The following IARS2 variants were observed in gnomAD, a reference collection of about 807,000 sequenced individuals.
IARS2 encodes isoleucyl-tRNA synthetase 2, mitochondrial.
A neutral mutation model predicts 126.3 loss-of-function variants in IARS2; 56 were observed. That is an observed-to-expected ratio of 0.44 (90% CI 0.36 to 0.55). IARS2 has a LOEUF of 0.55. Among genes scored for constraint, IARS2 ranks in the 20% least tolerant of loss-of-function variants. The pLI, the probability that IARS2 is intolerant of heterozygous loss-of-function variation, is 0.00. For missense variants in IARS2, 1,127 were observed against 1,245.9 expected (o/e 0.90, Z 1.44); for synonymous variants, 407 against 441.1 (o/e 0.92, Z 0.97).
intron 13 of IARS2, among the ~76,000 whole-genome samples, chr1:220,125,833 G>A (rs891308089): frequency 9.9e-5 from 15 of 152,006 alleles, no homozygotes; most frequent in Admixed American, 9.2e-4. Context: ...TAGGTCGGGC[G>A]CAGTGGTGCA....
At chr1:220,138,113 C>G in intron 17 of IARS2, 70 bp downstream of exon 17, 1 of 1,528,660 alleles carries the variant, frequency 6.5e-7, no homozygotes, top group Non-Finnish European at 9.0e-7. Flanking sequence ...AAATGAGACA[C>G]ATTTTGTTTG....
At chr1:220,116,044 A>G (rs1197496303) in intron 12 of IARS2, among the ~76,000 whole-genome samples, 2 of 152,110 alleles carry the variant, frequency 1.3e-5, no homozygotes, top group Non-Finnish European at 2.9e-5. Context: ...CCCCATCTCT[A>G]CAGAAAAATT....
chr1:220,120,353 A>G (rs1405655031), intron 12 of IARS2, among the ~76,000 whole-genome samples: 4 of 148,380 alleles, frequency 2.7e-5, no homozygotes, highest in Non-Finnish European at 6.0e-5. Context: ...GAGTGCTGGG[A>G]TTATAGGCGT....
At chr1:220,110,686 C>T in intron 10 of IARS2, 100 bp from the exon 11 acceptor site, 4 of 897,340 alleles carry the variant, frequency 4.5e-6, no homozygotes, top group Admixed American at 2.4e-5. Context: ...TTATTGCCAC[C>T]TGTTGCTGCA....
chr1:220,116,980 A>G (rs1656925123), intron 12 of IARS2, among the ~76,000 whole-genome samples: 2 of 151,954 alleles, frequency 1.3e-5, no homozygotes, highest in African/African-American at 4.8e-5. Context: ...TCCTGGCCAC[A>G]AAGGATCCAT....
chr1:220,100,293 GTTTT>G (rs919738845), intron 2 of IARS2, among the ~76,000 whole-genome samples, 193 bp from the exon 3 acceptor site: 1 of 152,024 alleles, frequency 6.6e-6, no homozygotes, highest in African/African-American at 2.4e-5. Context: ...TGTGTCAATA[GTTTT>G]TTTATGAGTT....
chr1:220,143,629 G>T (rs1657531896), intron 21 of IARS2, among the ~76,000 whole-genome samples: 1 of 152,096 alleles, frequency 6.6e-6, no homozygotes, highest in Non-Finnish European at 1.5e-5. Context: ...TGTATTAAGG[G>T]TCAGGTTTCC....
rs764897934 is a variant in IARS2, at chr1:220,100,649, G to A, written c.550G>A (p.Ala184Thr). ...NLSAMEIRKKARSFAKAAIEK... is the reference protein window; with the variant it reads ...NLSAMEIRKKTRSFAKAAIEK... ...TTCAGCTATGGAAATTAGAAAGAAA[G>A]GTAAATAATCTGTATTTCTGTTTTA... The change falls in exon 3 of 23, where the codon GCT (alanine) becomes ACT (threonine). Residue 184 changes from alanine to threonine, a missense_variant and splice_region_variant. Transcript: ENST00000366922. 2 of 1,598,756 alleles carry A rather than the reference G, an allele frequency of 1.3e-6. No individual in the cohort carries two copies. The highest frequency in any genetic ancestry group is 4.5e-5 in the East Asian group (2 of 44,570).
chr1:220,137,191 A>G (rs1196857732), intron 16 of IARS2, among the ~76,000 whole-genome samples: 3 of 152,116 alleles, frequency 2.0e-5, no homozygotes, highest in Admixed American at 6.5e-5. Context: ...AAGCGTGATG[A>G]TTGGGTTTTC....
chr1:220,122,443 A>AG (rs1657069054), intron 12 of IARS2, among the ~76,000 whole-genome samples: 2 of 152,300 alleles, frequency 1.3e-5, no homozygotes, highest in Non-Finnish European at 2.9e-5. Context: ...AACTCCAGAG[A>AG]GTAAGAGTGT....
Position 220,094,497 on chromosome 1 carries a change from C to T in IARS2, c.267+14C>T. 6.3e-7 allele frequency: 1 copy of T among 1,575,764 alleles called. No homozygotes were observed. Among genetic ancestry groups the T allele is most frequent in the Non-Finnish European group, 8.6e-7 (1 of 1,163,166 alleles). The stretch of plus-strand genomic sequence containing the variant: ...GAGATCCAGCAGGTACGGGCCCCGC[C>T]TCGGCGCGGGGCCTCCAGAGAGGCC... On this transcript the variant is annotated intron_variant, in intron 1 of 22. Transcript: ENST00000366922.
At chr1:220,145,778 G>A in intron 22 of IARS2, 125 bp downstream of exon 22, 1 of 754,052 alleles carries the variant, frequency 1.3e-6, no homozygotes, top group Non-Finnish European at 2.0e-6. Context: ...ATCTTTCTAT[G>A]GAAATAATAA....
chr1:220,099,059 A>C (rs2102816872), intron 2 of IARS2, among the ~76,000 whole-genome samples: 1 of 152,002 alleles, frequency 6.6e-6, no homozygotes, highest in South Asian at 2.1e-4. Context: ...GAAAATACAA[A>C]AAAATTAGCT....
chr1:220,096,984 T>G (rs1168962936), intron 2 of IARS2, among the ~76,000 whole-genome samples: 2 of 151,322 alleles, frequency 1.3e-5, no homozygotes, highest in East Asian at 3.9e-4. Flanking sequence ...AGGCGGAGCT[T>G]GCAGTGAGCC....
At chr1:220,138,838 G>A (rs80035134) in intron 17 of IARS2, among the ~76,000 whole-genome samples, 170 bp from the exon 18 acceptor site, 4 of 152,078 alleles carry the variant, frequency 2.6e-5, no homozygotes, top group African/African-American at 7.2e-5. Flanking sequence ...ATAAGAGTTT[G>A]TTGTGTACTT....
intron 21 of IARS2, chr1:220,144,264 C>T (rs539671671): frequency 3.0e-5 from 23 of 764,860 alleles, no homozygotes; most frequent in Admixed American, 1.5e-4. Flanking sequence ...CTTTGGAGCA[C>T]GGCCTAATAA....
chr1:220,142,835 C>A, intron 20 of IARS2, 109 bp from the exon 21 acceptor site: 1 of 653,876 alleles, frequency 1.5e-6, no homozygotes. Flanking sequence ...ACTTGATTAC[C>A]ATAAATAACA....
intron 11 of IARS2, among the ~76,000 whole-genome samples, chr1:220,111,598 A>ATATATATGTGTG (rs374024744): frequency 8.3e-4 from 112 of 134,850 alleles, no homozygotes; most frequent in African/African-American, 1.6e-3. Context: ...ATATATATAT[A>ATATATATGTGTG]TGTGTGTGTG....
intron 8 of IARS2, among the ~76,000 whole-genome samples, chr1:220,105,126 C>T (rs76567548): frequency 6.6e-6 from 1 of 151,676 alleles, no homozygotes; most frequent in Admixed American, 6.6e-5. Context: ...ATTTACTTCA[C>T]ACCCTCTCTC....
Sources: allele counts gnomAD v4.1 joint callset (sites outside exome capture counted in the v4.1 genomes callset), GRCh38; gene constraint gnomAD v4.1.1; transcripts MANE v1.5; gene names NCBI Gene and HGNC (gene_info 2026-07-23, HGNC 2026-07-21).